The following MSANTD1 variants were observed in gnomAD, a reference collection of about 807,000 sequenced individuals.
MSANTD1 encodes myb/SANT-like DNA-binding domain-containing protein 1.
In MSANTD1, 7 loss-of-function variants were observed where a neutral mutation model predicts 24.2. The observed-to-expected ratio is 0.29, with a 90% confidence interval of 0.16 to 0.54. The LOEUF (loss-of-function observed/expected upper bound fraction) is 0.54. Among genes scored for constraint, MSANTD1 ranks in the 20% least tolerant of loss-of-function variants. MSANTD1 has a pLI of 0.94. For synonymous variants in MSANTD1, 177 were observed against 181.1 expected (o/e 0.98, Z 0.18); for missense variants, 384 against 408.2 (o/e 0.94, Z 0.51).
At chr4:3,246,787 G>C (rs948875189), upstream of MSANTD1, 3 of 595,572 alleles carry the variant, frequency 5.0e-6, no homozygotes, top group Non-Finnish European at 9.1e-6. Flanking sequence ...TTGGAGGTCA[G>C]TGTGAGGGCT....
chr4:3,255,710 G>A lies in MSANTD1; in HGVS notation c.597-15G>A. 6.6e-7 allele frequency: 1 copy of A among 1,524,348 alleles called. No homozygotes were observed. 94.4% of individuals were successfully genotyped at this position (1,524,348 alleles called of 1,614,324 possible). On this transcript the variant is annotated splice_polypyrimidine_tract_variant and intron_variant, in intron 2 of 2. Transcript: ENST00000438480. ...TCTGTGGCCAGCACGTCCACAGCCG[G>A]CACTGTCCTTCCAGGTCGGAGGAGC...
At chr4:3,252,585 GATC>G (rs1253953437) in intron 1 of MSANTD1, among the ~76,000 whole-genome samples, 2 of 152,168 alleles carry the variant, frequency 1.3e-5, no homozygotes, top group African/African-American at 4.8e-5. Context: ...GGCTTACTTT[GATC>G]ATCACTATGT....
intron 1 of MSANTD1, among the ~76,000 whole-genome samples, chr4:3,251,720 T>C (rs1722237158): frequency 6.6e-6 from 1 of 151,714 alleles, no homozygotes; most frequent in Admixed American, 6.6e-5. Context: ...AAGAACTCTT[T>C]ATATATTAAG....
In MSANTD1 at chr4:3,252,844, T is replaced by C. The variant is rs142237037; in HGVS notation, c.321-363T>C. On this transcript the variant is annotated intron_variant, in intron 1 of 2. Coordinates refer to ENST00000438480, the MANE Select transcript of MSANTD1 (RefSeq NM_001042690.2). ...CAATAAAACCTTATTACTCTACCTTTCAAAATGAATTATTTAAAAAGCAGT... is the reference window on the plus strand; with the variant it reads ...CAATAAAACCTTATTACTCTACCTTCCAAAATGAATTATTTAAAAAGCAGT... Among the ~76,000 whole-genome samples, 25 of 152,360 alleles carry C rather than the reference T, an allele frequency of 1.6e-4. No individual in the cohort carries two copies. The East Asian group carries it at 4.6e-3, about 28-fold the overall frequency.
chr4:3,254,360 A>T (rs943402619), intron 2 of MSANTD1, among the ~76,000 whole-genome samples: 1 of 152,210 alleles, frequency 6.6e-6, no homozygotes, highest in Non-Finnish European at 1.5e-5. Flanking sequence ...AAGACCTGAG[A>T]CAAAAACGCT....
At position 3,255,635 on chromosome 4, in the gene MSANTD1, C is replaced by T. The variant is rs1722360625; in HGVS notation, c.597-90C>T. 3.5e-6 allele frequency: 5 copies of T among 1,416,474 alleles called. No homozygotes were observed. The Admixed American group carries it at 1.1e-4, about 32-fold the overall frequency. The allele number at this position is 1,416,474 out of a possible 1,614,324, so 87.7% of individuals were successfully genotyped here. On this transcript the variant is annotated intron_variant, in intron 2 of 2. Transcript: ENST00000438480. ...CCTGGGGCCTCAGTTTCCCCATTTG[C>T]CCAGTAGGATTGTCGGGAGGGTCCG...
At chr4:3,246,735 C>G (rs1190752917), upstream of MSANTD1, 1 of 665,892 alleles carries the variant, frequency 1.5e-6, no homozygotes, top group Admixed American at 2.3e-5. Flanking sequence ...AGCTGGGTGC[C>G]TGGTGCTGCC....
Position 3,256,109 on chromosome 4 carries a change from T to G in MSANTD1, c.*144T>G. On this transcript the variant is annotated 3_prime_UTR_variant, in exon 3 of 3. Transcript: ENST00000438480. The stretch of plus-strand genomic sequence containing the variant: ...CACCTGGCCTCTGGCAGGATGTCCC[T>G]TCTGAGGGGTATTTTGAGGAACCCC... The G allele has an allele frequency of 9.7e-7, 1 of 1,032,728 alleles. No individual in the cohort carries two copies. Among genetic ancestry groups the G allele is most frequent in the South Asian group, 1.9e-5 (1 of 52,822 alleles). The allele number at this position is 1,032,728 out of a possible 1,614,324, so 64.0% of individuals were successfully genotyped here. A position where few individuals can be genotyped will look rare whatever the true frequency, so the allele number is the denominator to read the frequency against.
chr4:3,246,714 C>T, upstream of MSANTD1: 2 of 678,254 alleles, frequency 2.9e-6, no homozygotes, highest in East Asian at 2.8e-5. Flanking sequence ...GGGACCCTCC[C>T]AGGCAGGAGC....
upstream of MSANTD1, chr4:3,247,928 A>T (rs920212747): frequency 6.6e-6 from 1 of 152,300 alleles, no homozygotes; most frequent in African/African-American, 2.4e-5. Flanking sequence ...AGAGGCCGAG[A>T]TGCCTCCTCA....
At chr4:3,253,916 T>C (rs1256197208) in intron 2 of MSANTD1, among the ~76,000 whole-genome samples, 1 of 152,208 alleles carries the variant, frequency 6.6e-6, no homozygotes, top group Non-Finnish European at 1.5e-5. Flanking sequence ...CTAGCTGCCC[T>C]CTCAGCACTG....
Position 3,255,829 on chromosome 4 carries a change from G to T in MSANTD1, c.701G>T (p.Ser234Ile). Residue 234 changes from serine (S) to isoleucine (I), a missense_variant, in exon 3 of 3, where the codon AGC becomes ATC. Coordinates refer to ENST00000438480, the MANE Select transcript of MSANTD1 (RefSeq NM_001042690.2). ...ATGGTGGAGGAGCAGCGCCGGCTGA[G>T]CCGCGCCGTGGAGGAGACCTGCCGC... ...EAMVEEQRRLSRAVEETCREV... is the reference protein window; with the variant it reads ...EAMVEEQRRLIRAVEETCREV... 1 of 1,545,712 alleles carries T rather than the reference G, an allele frequency of 6.5e-7. No homozygotes were observed.
chr4:3,249,570 C>A lies in MSANTD1; in HGVS notation c.320+28C>A, dbSNP rs370139944. Reference sequence around the variant, plus strand: ...GGGCGAGCGGGCAGTGTGGGCCCCACCAGGACGGGCGGGCCCGGGCGTGGC... The same window carrying A: ...GGGCGAGCGGGCAGTGTGGGCCCCAACAGGACGGGCGGGCCCGGGCGTGGC... On this transcript the variant is annotated intron_variant, in intron 1 of 2. Transcript: ENST00000438480. 1.0e-4 allele frequency: 160 copies of A among 1,583,866 alleles called. No individual in the cohort carries two copies. In the African/African-American group the frequency reaches 1.9e-3, roughly 19 times the overall value.
At chr4:3,253,143 TG>T in intron 1 of MSANTD1, 63 bp from the exon 2 acceptor site, 5 of 1,443,706 alleles carry the variant, frequency 3.5e-6, no homozygotes, top group Non-Finnish European at 4.6e-6. Context: ...CTGCTGAGGC[TG>T]GGCAGGACAG....
chr4:3,245,264 C>G (rs1325543519), upstream of MSANTD1: 1 of 152,442 alleles, frequency 6.6e-6, no homozygotes, highest in East Asian at 1.9e-4. Context: ...CTTCCTCTTC[C>G]TCATCGGAGA....
rs747738742 is a variant in MSANTD1, at chr4:3,253,397, T to C, written c.511T>C (p.Phe171Leu). 6.2e-7 allele frequency: 1 copy of C among 1,607,424 alleles called. No homozygotes were observed. Among genetic ancestry groups the C allele is most frequent in the Non-Finnish European group, 8.5e-7 (1 of 1,176,736 alleles). The change falls in exon 2 of 3, where the codon TTC becomes CTC. Residue 171 changes from phenylalanine to leucine, a missense_variant. Physicochemically the swap from Phe to Leu is conservative, Grantham distance 22 (BLOSUM62 0). Transcript: ENST00000438480. ...GCCCGCTAAGTCCACCCCTCTGTAC[T>C]TCCCGTATAACCAGTGCTCCTACGA... ...SPPAKSTPLY[F>L]PYNQCSYEGR...
upstream of MSANTD1, chr4:3,248,937 G>A (rs886436283): frequency 3.0e-5 from 10 of 336,292 alleles, no homozygotes; most frequent in South Asian, 1.4e-4. Flanking sequence ...GGGCCGATCC[G>A]CCTGGGCGGC....
Position 3,249,180 on chromosome 4 carries a change from C to G in MSANTD1, c.-43C>G. On this transcript the variant is annotated 5_prime_UTR_variant, in exon 1 of 3. Transcript: ENST00000438480. Reference sequence around the variant, plus strand: ...TGTCAGATGTAGGCCCCATTTTGAGCGTGGAGCTGCCTTCGAGCGAGCGTG... The same window carrying G: ...TGTCAGATGTAGGCCCCATTTTGAGGGTGGAGCTGCCTTCGAGCGAGCGTG... 1 of 1,326,402 alleles carries G rather than the reference C, an allele frequency of 7.5e-7. No individual in the cohort carries two copies. The allele number at this position is 1,326,402 out of a possible 1,614,324, so 82.2% of individuals were successfully genotyped here.
intron 2 of MSANTD1, among the ~76,000 whole-genome samples, chr4:3,254,661 C>T (rs550612213): frequency 7.9e-5 from 12 of 152,312 alleles, no homozygotes; most frequent in Admixed American, 2.0e-4. Context: ...GCTGAGACCA[C>T]GGGTGGCCCC....
Sources: allele counts gnomAD v4.1 joint callset (sites outside exome capture counted in the v4.1 genomes callset), GRCh38; gene constraint gnomAD v4.1.1; transcripts MANE v1.5; gene names NCBI Gene and HGNC (gene_info 2026-07-23, HGNC 2026-07-21).